Variants in CAMSAP1 observed in about 807,000 individuals in gnomAD.
CAMSAP1 encodes the protein calmodulin regulated spectrin associated protein 1, also known as calmodulin-regulated spectrin-associated protein 1.
In CAMSAP1, 58 loss-of-function variants were observed where a neutral mutation model predicts 143.5. The observed-to-expected ratio is 0.40, with a 90% CI of 0.33 to 0.50. The LOEUF is 0.50. CAMSAP1 is among the 20% of genes least tolerant of loss of function. The pLI is 0.45. For synonymous variants in CAMSAP1, 945 were observed against 859.3 expected (o/e 1.10, Z -1.74); for missense variants, 1,969 against 2,115.7 (o/e 0.93, Z 1.36).
intron 3 of CAMSAP1, 147 bp downstream of exon 3, chr9:135,881,486 A>G (rs1837946799): frequency 2.2e-6 from 2 of 898,948 alleles, no homozygotes; most frequent in Non-Finnish European, 1.7e-6. Context: ...TTTTAACTAC[A>G]GCAGACACAT....
intron 11 of CAMSAP1, 80 bp from the exon 12 acceptor site, chr9:135,819,226 C>A: frequency 6.7e-7 from 1 of 1,484,012 alleles, no homozygotes; most frequent in African/African-American, 1.4e-5. Flanking sequence ...CAGCAGCCGA[C>A]TTCCACTACG....
In CAMSAP1 at chr9:135,809,902, C is replaced by T. The variant is rs1439697639; in HGVS notation, c.*1407G>A. ...GTACCATGTTCCCTCCTTATGTACA[C>T]GACTCACTCATGTTTTTTGTCTATC... is the stretch of plus-strand genomic sequence containing the variant. On this transcript the variant is annotated 3_prime_UTR_variant, in exon 17 of 17. Transcript: ENST00000389532. 4 of 152,492 alleles carry T rather than the reference C, an allele frequency of 2.6e-5. No individual in the cohort carries two copies. Among genetic ancestry groups the T allele is most frequent in the Non-Finnish European group, 5.9e-5 (4 of 68,050 alleles). The allele number at this position is 152,492 out of a possible 1,614,324, so 9.4% of individuals were successfully genotyped here.
Position 135,821,904 on chromosome 9 carries a change from C to T in CAMSAP1, c.2757G>A (p.Val919=), listed in dbSNP as rs762762617. ...KLGKAAFLHV[V]KKGKAEAAPP... is the part of the protein sequence containing the mutation. Reference sequence around the variant, plus strand: ...GGGCAGCCTCGGCCTTGCCCTTCTTCACCACATGCAGGAATGCAGCCTTGC... The same window carrying T: ...GGGCAGCCTCGGCCTTGCCCTTCTTTACCACATGCAGGAATGCAGCCTTGC... Residue 919 remains valine, a synonymous_variant, in exon 11 of 17, where the codon GTG becomes GTA. Coordinates refer to ENST00000389532, the MANE Select transcript of CAMSAP1 (RefSeq NM_015447.4). The surrounding 1 kb of genome is among the most constrained non-coding windows in gnomAD (Gnocchi z 4.6). 3.1e-5 allele frequency: 50 copies of T among 1,613,896 alleles called. No homozygotes were observed. Among genetic ancestry groups the T allele is most frequent in the Admixed American group, 5.0e-5 (3 of 60,022 alleles).
chr9:135,848,452 G>A (rs11103199), intron 7 of CAMSAP1, among the ~76,000 whole-genome samples: 52,953 of 151,768 alleles, frequency 0.35, 10,802 homozygotes, highest in African/African-American at 0.58. Flanking sequence ...GAAAGTCACG[G>A]GTCTGCCAGG....
intron 3 of CAMSAP1, among the ~76,000 whole-genome samples, chr9:135,877,632 C>A (rs562547633): frequency 5.3e-5 from 8 of 151,968 alleles, no homozygotes; most frequent in African/African-American, 1.9e-4. Flanking sequence ...ATAGTAAGAC[C>A]CCATCTCTAA....
intron 7 of CAMSAP1, among the ~76,000 whole-genome samples, chr9:135,843,131 C>T (rs1836420967): frequency 6.6e-6 from 1 of 152,002 alleles, no homozygotes; most frequent in Non-Finnish European, 1.5e-5. Context: ...AGTTCGAGAC[C>T]AGCCTGACCA....
rs771106994 is a variant in CAMSAP1, at chr9:135,818,020, T to C, written c.4228A>G (p.Thr1410Ala). The C allele has an allele frequency of 2.5e-6, 4 of 1,613,774 alleles. No homozygotes were observed. Among genetic ancestry groups the C allele is most frequent in the East Asian group, 4.5e-5 (2 of 44,884 alleles). Residue 1410 changes from threonine to alanine, a missense_variant, in exon 14 of 17, where the codon ACA becomes GCA. Physicochemically the swap from Thr to Ala is moderately conservative, Grantham distance 58. Around this residue, in one of 4 missense-constraint regions of CAMSAP1, gnomAD observed 1,390 missense variants for 1,420.8 expected, o/e 0.98. Coordinates refer to ENST00000389532, the MANE Select transcript of CAMSAP1 (RefSeq NM_015447.4). This position sits in a 1 kb window ranked among gnomAD's most constrained non-coding sequence, Gnocchi z 7.7. ...CCGGAATGAACGCTCTCGGGTTCTG[T>C]CGTCGCCGCAGAGGCCAAGGACAGG... ...SSLSLASAAT[T>A]EPESVHSGGT... is the part of the protein sequence containing the mutation.
chr9:135,884,897 T>A (rs940404432), intron 1 of CAMSAP1, among the ~76,000 whole-genome samples: 1 of 152,098 alleles, frequency 6.6e-6, no homozygotes, highest in Non-Finnish European at 1.5e-5. Flanking sequence ...TTGTCCAAGT[T>A]CCCTCCACCC....
chr9:135,820,745 G>A lies in CAMSAP1; in HGVS notation c.3822+94C>T, dbSNP rs1835414058. 6.0e-6 allele frequency: 9 copies of A among 1,490,756 alleles called. No homozygotes were observed. In the South Asian group the frequency reaches 1.2e-4, roughly 19 times the overall value. 92.3% of individuals were successfully genotyped at this position (1,490,756 alleles called of 1,614,324 possible). ...CCCTGGCCTCTTACAGGAGCGGCTGGCCAGCCTGGTGCAGATCTGTGTTCT... is the reference window on the plus strand; with the variant it reads ...CCCTGGCCTCTTACAGGAGCGGCTGACCAGCCTGGTGCAGATCTGTGTTCT... On this transcript the variant is annotated intron_variant, in intron 11 of 16. Coordinates refer to ENST00000389532, the MANE Select transcript of CAMSAP1 (RefSeq NM_015447.4). The surrounding 1 kb of genome is among the most constrained non-coding windows in gnomAD (Gnocchi z 4.4).
chr9:135,815,843 G>GT (rs766979420), intron 15 of CAMSAP1, 47 bp downstream of exon 15: 1 of 1,478,496 alleles, frequency 6.8e-7, no homozygotes, highest in Non-Finnish European at 9.4e-7. Context: ...ACGCAAAGGC[G>GT]TATGGCCATG....
chr9:135,882,509 A>C lies in CAMSAP1; in HGVS notation c.423+307T>G, dbSNP rs369026646. ...ACCTAACAGAATGGGTGCAACAATTACATTTCTCATCTGTAAAAAGTCTGC... is the reference window on the plus strand; with the variant it reads ...ACCTAACAGAATGGGTGCAACAATTCCATTTCTCATCTGTAAAAAGTCTGC... On this transcript the variant is annotated intron_variant, in intron 2 of 16. Transcript: ENST00000389532. This position sits in a 1 kb window ranked among gnomAD's most constrained non-coding sequence, Gnocchi z 4.9. Among the ~76,000 whole-genome samples the C allele has an allele frequency of 5.9e-5, 9 of 152,246 alleles. No homozygotes were observed. The highest frequency in any genetic ancestry group is 2.2e-4 in the African/African-American group (9 of 41,468).
At chr9:135,903,672 G>A (rs1838682223) in intron 1 of CAMSAP1, among the ~76,000 whole-genome samples, 1 of 152,212 alleles carries the variant, frequency 6.6e-6, no homozygotes, top group Admixed American at 6.5e-5. Context: ...GCTTTAGTTA[G>A]CAACCTAATG....
At chr9:135,837,338 C>A (rs1836102287) in intron 7 of CAMSAP1, among the ~76,000 whole-genome samples, 1 of 151,764 alleles carries the variant, frequency 6.6e-6, no homozygotes, top group Admixed American at 6.6e-5. Context: ...GTTCTACAGA[C>A]ACACATCATC....
chr9:135,865,741 T>A (rs1402722520), intron 4 of CAMSAP1, among the ~76,000 whole-genome samples: 1 of 152,122 alleles, frequency 6.6e-6, no homozygotes, highest in Non-Finnish European at 1.5e-5. Context: ...AAGATCCAGA[T>A]GAGGGAGGCA....
At position 135,836,112 on chromosome 9, in the gene CAMSAP1, C is replaced by T. The variant is rs144306685; in HGVS notation, c.1046-8528G>A. ...TCGGAAAGAGAGCTGCCAAAATCCC[C>T]TCTGGGGCAGACTTCCTGCCCAAAA... On this transcript the variant is annotated intron_variant, in intron 7 of 16. Coordinates refer to ENST00000389532, the MANE Select transcript of CAMSAP1 (RefSeq NM_015447.4). 1.7e-4 allele frequency: 164 copies of T among 985,480 alleles called. No homozygotes were observed. In the East Asian group the frequency reaches 0.016, roughly 96 times the overall value. 61.0% of individuals were successfully genotyped at this position (985,480 alleles called of 1,614,324 possible).
Position 135,818,619 on chromosome 9 carries a change from G to A in CAMSAP1, c.3960-3C>T. On this transcript the variant is annotated splice_region_variant and splice_polypyrimidine_tract_variant and intron_variant, in intron 12 of 16. Coordinates refer to ENST00000389532, the MANE Select transcript of CAMSAP1 (RefSeq NM_015447.4). This position sits in a 1 kb window ranked among gnomAD's most constrained non-coding sequence, Gnocchi z 7.7. ...CCCGGTCTTCCTCAGCTTTGCGCCT[G>A]AGAGAAACACACGCCCAGACACTGC... The A allele has an allele frequency of 1.2e-6, 2 of 1,612,706 alleles. No homozygotes were observed. The highest frequency in any genetic ancestry group is 1.3e-5 in the African/African-American group (1 of 75,062).
rs1835621786 is a variant in CAMSAP1, at chr9:135,824,984, T to C, written c.1224-104A>G. The C allele has an allele frequency of 3.3e-6, 3 of 901,526 alleles. No homozygotes were observed. Among genetic ancestry groups the C allele is most frequent in the Non-Finnish European group, 3.3e-6 (2 of 599,214 alleles). 55.8% of individuals were successfully genotyped at this position (901,526 alleles called of 1,614,324 possible). A position where few individuals can be genotyped will look rare whatever the true frequency, so the allele number is the denominator to read the frequency against. On this transcript the variant is annotated intron_variant, in intron 8 of 16. Transcript: ENST00000389532. This position sits in a 1 kb window ranked among gnomAD's most constrained non-coding sequence, Gnocchi z 4.1. ...GACCATCCTGAATTCACACCAAGTTTTGAGAAACTCGGACTGTTTGGGAAA... is the reference window on the plus strand; with the variant it reads ...GACCATCCTGAATTCACACCAAGTTCTGAGAAACTCGGACTGTTTGGGAAA...
intron 3 of CAMSAP1, among the ~76,000 whole-genome samples, chr9:135,874,938 G>A (rs1165223331): frequency 6.6e-6 from 1 of 152,072 alleles, no homozygotes; most frequent in Non-Finnish European, 1.5e-5. Context: ...AAAAGATACA[G>A]AATAAAGTTA....
In CAMSAP1 at chr9:135,823,986, C is replaced by A. The variant is rs377507765; in HGVS notation, c.1364G>T (p.Arg455Leu). 1.9e-6 allele frequency: 3 copies of A among 1,589,266 alleles called. No individual in the cohort carries two copies. The highest frequency in any genetic ancestry group is 1.3e-5 in the African/African-American group (1 of 74,392). Residue 455 changes from arginine (R) to leucine (L), a missense_variant, in exon 10 of 17, where the codon CGA (arginine) becomes CTA (leucine). Transcript: ENST00000389532. ...NSLTRVDGQP[R>L]GAAIAWPEKK... The stretch of plus-strand genomic sequence containing the variant: ...TTCTGGCCAGGCTATTGCTGCTCCT[C>A]GAGGCTGACCATCAACTCGGGTCAA...
Sources: allele counts gnomAD v4.1 joint callset (sites outside exome capture counted in the v4.1 genomes callset), GRCh38; gene constraint gnomAD v4.1.1; regional missense constraint gnomAD v4.1.1; non-coding constraint Gnocchi (gnomAD v3.1); transcripts MANE v1.5; gene names NCBI Gene and HGNC (gene_info 2026-07-23, HGNC 2026-07-21).